SLC38A9: variants seen among roughly 807,000 people sequenced by gnomAD.
SLC38A9 encodes the protein neutral amino acid transporter 9.
SLC38A9 carries 48 observed loss-of-function variants against 62.3 expected under a neutral mutation model. The observed-to-expected ratio is 0.77, with a 90% CI of 0.61 to 0.98. The LOEUF is 0.98. Ranked by LOEUF, SLC38A9 falls within the 50% of genes least tolerant of loss-of-function variation. The probability of loss-of-function intolerance (pLI) is 0.00; values close to 1 mark genes in which losing one functional copy is unlikely to be tolerated. For synonymous variants in SLC38A9, 204 were observed against 227.7 expected (o/e 0.90, Z 0.94); for missense variants, 541 against 679.8 (o/e 0.80, Z 2.27).
intron 3 of SLC38A9, among the ~76,000 whole-genome samples, chr5:55,677,711 A>T (rs946734534): frequency 8.2e-5 from 8 of 97,650 alleles, no homozygotes; most frequent in Non-Finnish European, 1.5e-4. Context: ...AAAAAAAAAA[A>T]TTTTTTTTTT....
At chr5:55,673,870 C>G (rs1007093445) in intron 3 of SLC38A9, among the ~76,000 whole-genome samples, 1 of 152,056 alleles carries the variant, frequency 6.6e-6, no homozygotes, top group African/African-American at 2.4e-5. Flanking sequence ...CACCACCATG[C>G]CTGACTAATT....
chr5:55,641,987 G>C (rs1340907552), intron 12 of SLC38A9, among the ~76,000 whole-genome samples: 1 of 152,226 alleles, frequency 6.6e-6, no homozygotes, highest in Non-Finnish European at 1.5e-5. Context: ...TAAGAACCAT[G>C]CAACATGAGA....
At chr5:55,698,664 T>A (rs919758313) in intron 2 of SLC38A9, among the ~76,000 whole-genome samples, 1 of 152,212 alleles carries the variant, frequency 6.6e-6, no homozygotes, top group Admixed American at 6.5e-5. Flanking sequence ...GAGGCTATAG[T>A]GTCCACACCT....
intron 13 of SLC38A9, 34 bp downstream of exon 13, chr5:55,635,510 C>T (rs759328605): frequency 7.0e-6 from 10 of 1,431,046 alleles, no homozygotes; most frequent in Non-Finnish European, 9.9e-6. Flanking sequence ...TGAAAGTGTA[C>T]ACAATCACAC....
chr5:55,640,380 G>A (rs1475058680), intron 12 of SLC38A9, among the ~76,000 whole-genome samples: 1 of 152,092 alleles, frequency 6.6e-6, no homozygotes, highest in Non-Finnish European at 1.5e-5. Flanking sequence ...TAACATAATA[G>A]TTCTACAAAG....
intron 3 of SLC38A9, among the ~76,000 whole-genome samples, chr5:55,677,610 C>CGCA (rs1752294965): frequency 6.6e-6 from 1 of 151,976 alleles, no homozygotes; most frequent in Non-Finnish European, 1.5e-5. Flanking sequence ...GCTGATAGCT[C>CGCA]GCAGCAGCAA....
intron 12 of SLC38A9, among the ~76,000 whole-genome samples, chr5:55,636,904 A>G (rs73119754): frequency 0.049 from 7,425 of 152,272 alleles, 309 homozygotes; most frequent in African/African-American, 0.11. Context: ...ATGACCGGGC[A>G]CAGTTTCAAA....
intron 3 of SLC38A9, among the ~76,000 whole-genome samples, chr5:55,683,655 T>C (rs1256199226): frequency 1.3e-5 from 2 of 152,230 alleles, no homozygotes; most frequent in Admixed American, 6.5e-5. Context: ...TAATACAATA[T>C]ATATTTTTCT....
intron 8 of SLC38A9, among the ~76,000 whole-genome samples, chr5:55,662,223 A>G (rs1463611963): frequency 6.6e-6 from 1 of 152,246 alleles, no homozygotes; most frequent in Non-Finnish European, 1.5e-5. Flanking sequence ...TTGTAATAGC[A>G]CAATAAGTGA....
rs1744256241 is a variant in SLC38A9 at position 55,635,620 on chromosome 5, A to C, written c.1205T>G (p.Leu402Ter). 6.2e-7 allele frequency: 1 copy of C among 1,613,794 alleles called. No individual in the cohort carries two copies. The highest frequency in any genetic ancestry group is 1.3e-5 in the African/African-American group (1 of 74,932). The change falls in exon 13 of 16, where the codon TTA becomes TGA. Residue 402 changes from leucine to a stop codon, truncating the protein, a stop_gained. Transcript: ENST00000396865. LOFTEE classifies it high-confidence loss of function. ...DLCIAYMLVTLTYLYIGVLVF... is the reference protein window; with the variant it reads ...DLCIAYMLVT ...CAGGACTCCAATATAGAGATAAGTT[A>C]ATGTCACCAGCATATAAGCAATGCA...
chr5:55,660,712 GA>G (rs1403418277), intron 8 of SLC38A9, among the ~76,000 whole-genome samples: 1 of 152,054 alleles, frequency 6.6e-6, no homozygotes, highest in Non-Finnish European at 1.5e-5. Flanking sequence ...CTCAGGGTGT[GA>G]AAGAAACTCT....
At chr5:55,692,532 C>A in intron 3 of SLC38A9, 1 of 697,260 alleles carries the variant, frequency 1.4e-6, no homozygotes, top group Non-Finnish European at 1.8e-6. Flanking sequence ...ATTCCACAAG[C>A]AAATTAGCAT....
At chr5:55,666,148 A>C (rs1187896242) in intron 7 of SLC38A9, among the ~76,000 whole-genome samples, 2 of 152,182 alleles carry the variant, frequency 1.3e-5, no homozygotes, top group African/African-American at 4.8e-5. Flanking sequence ...TAGGTGATAA[A>C]GTAGAAGACA....
chr5:55,669,978 T>C (rs1298193827), intron 4 of SLC38A9, 99 bp from the exon 5 acceptor site: 2 of 1,187,980 alleles, frequency 1.7e-6, no homozygotes, highest in East Asian at 2.6e-5. Flanking sequence ...CCTTTTTTTT[T>C]CTTTTGAACG....
chr5:55,627,415 TAAAG>T (rs56826315), intron 15 of SLC38A9, among the ~76,000 whole-genome samples: 82,343 of 151,308 alleles, frequency 0.54, 23,730 homozygotes, highest in South Asian at 0.66. Context: ...AAAAGGATAT[TAAAG>T]AAAGCCATCT....
intron 11 of SLC38A9, among the ~76,000 whole-genome samples, chr5:55,648,593 A>G (rs1467806469): frequency 6.6e-6 from 1 of 152,234 alleles, no homozygotes; most frequent in Non-Finnish European, 1.5e-5. Context: ...GAATGTGTAA[A>G]GAACTCCTAT....
At chr5:55,673,872 T>G (rs4865619) in intron 3 of SLC38A9, among the ~76,000 whole-genome samples, 90,448 of 151,880 alleles carry the variant, frequency 0.6, 27,487 homozygotes, top group South Asian at 0.7. Flanking sequence ...CCACCATGCC[T>G]GACTAATTTT....
intron 5 of SLC38A9, 39 bp downstream of exon 5, chr5:55,669,719 T>C (rs368210092): frequency 3.7e-6 from 6 of 1,605,050 alleles, no homozygotes; most frequent in Non-Finnish European, 5.1e-6. Context: ...TTCATCCATA[T>C]ACAGTTTAAG....
At chr5:55,710,078 A>G (rs1263808494) in intron 2 of SLC38A9, among the ~76,000 whole-genome samples, 5 of 93,866 alleles carry the variant, frequency 5.3e-5, no homozygotes, top group African/African-American at 1.4e-4. Context: ...AAAAAAAAAA[A>G]AAAAAAAGAA....
Sources: allele counts gnomAD v4.1 joint callset (sites outside exome capture counted in the v4.1 genomes callset), GRCh38; gene constraint gnomAD v4.1.1; transcripts MANE v1.5; gene names NCBI Gene and HGNC (gene_info 2026-07-23, HGNC 2026-07-21).